The following ADARB2 variants were observed in gnomAD, a reference collection of about 807,000 sequenced individuals.
ADARB2 encodes adenosine deaminase RNA specific B2 (inactive), also known as inactive double-stranded RNA-specific editase B2.
In ADARB2, 25 loss-of-function variants were observed where a neutral mutation model predicts 62.2. The observed-to-expected ratio is 0.40, with a 90% CI of 0.29 to 0.56. The LOEUF is 0.56. Ranked by LOEUF, ADARB2 falls within the 20% of genes least tolerant of loss-of-function variation. The probability of loss-of-function intolerance (pLI) is 0.43; values close to 1 mark genes in which losing one functional copy is unlikely to be tolerated. For missense variants in ADARB2, 1,071 were observed against 1,077.4 expected (o/e 0.99, Z 0.08); for synonymous variants, 572 against 500.8 (o/e 1.14, Z -1.90).
intron 1 of ADARB2, among the ~76,000 whole-genome samples, chr10:1,694,836 G>A (rs1834718714): frequency 6.6e-6 from 1 of 152,142 alleles, no homozygotes; most frequent in African/African-American, 2.4e-5. Context: ...CTGGGAGTGG[G>A]GTCTTCATGA....
intron 7 of ADARB2, 143 bp downstream of exon 7, chr10:1,216,808 G>T: frequency 9.1e-7 from 1 of 1,097,572 alleles, no homozygotes; most frequent in South Asian, 1.5e-5. Context: ...AATGGCTGTG[G>T]AGTTCCACGG....
chr10:1,644,338 C>T (rs1187371915), intron 1 of ADARB2, among the ~76,000 whole-genome samples: 3 of 152,374 alleles, frequency 2.0e-5, no homozygotes, highest in African/African-American at 4.8e-5. Context: ...CCCCTGTCCC[C>T]GGGCGTCTTT....
rs548777040 is a variant in ADARB2 at position 1,423,974 on chromosome 10, A to G, written c.101-44814T>C. Among the ~76,000 whole-genome samples, 3 of 152,260 alleles carry G rather than the reference A, an allele frequency of 2.0e-5. No individual in the cohort carries two copies. The South Asian group carries it at 6.2e-4, about 32-fold the overall frequency. ...CCACTATGTATGCAGTAGGACCACT[A>G]TGTATGCAGTATGACCATTATGTAT... On this transcript the variant is annotated intron_variant, in intron 1 of 9. Coordinates refer to ENST00000381312, the MANE Select transcript of ADARB2 (RefSeq NM_018702.4).
At chr10:1,215,501 T>A (rs1486161661) in intron 7 of ADARB2, among the ~76,000 whole-genome samples, 4 of 152,188 alleles carry the variant, frequency 2.6e-5, no homozygotes, top group African/African-American at 9.7e-5. Flanking sequence ...TTCCTGCACA[T>A]CCTGGGGACC....
chr10:1,263,825 T>C (rs1227604317), intron 4 of ADARB2, among the ~76,000 whole-genome samples: 1 of 152,084 alleles, frequency 6.6e-6, no homozygotes, highest in East Asian at 1.9e-4. Context: ...CTAAACTATT[T>C]AAATGAGCCA....
At chr10:1,668,278 A>T (rs554339537) in intron 1 of ADARB2, among the ~76,000 whole-genome samples, 2 of 152,270 alleles carry the variant, frequency 1.3e-5, no homozygotes, top group Admixed American at 1.3e-4. Flanking sequence ...TTTCTTTTGC[A>T]TGTGTTACAA....
Position 1,736,992 on chromosome 10 carries a change from CG to C in ADARB2, c.100+58del. The stretch of plus-strand genomic sequence containing the variant: ...CAAGCCCGGAGACCCCATGAGAGGC[CG>C]GGGTGGAGAAGCCGGGGGTGAAGGG... On this transcript the variant is annotated intron_variant, in intron 1 of 9. Coordinates refer to ENST00000381312, the MANE Select transcript of ADARB2 (RefSeq NM_018702.4). The C allele has an allele frequency of 3.2e-6, 5 of 1,555,390 alleles. No homozygotes were observed. The South Asian group carries it at 5.6e-5, about 17-fold the overall frequency.
At chr10:1,655,697 G>C (rs1588340711) in intron 1 of ADARB2, among the ~76,000 whole-genome samples, 1 of 152,170 alleles carries the variant, frequency 6.6e-6, no homozygotes, top group South Asian at 2.1e-4. Context: ...AACTGGAAAT[G>C]CCTTTTTATT....
chr10:1,375,829 G>A (rs565644344), intron 2 of ADARB2, among the ~76,000 whole-genome samples: 3,183 of 124,356 alleles, frequency 0.026, 104 homozygotes, highest in African/African-American at 0.09. Flanking sequence ...ACACACACAC[G>A]TGCACACACC....
At chr10:1,422,536 C>A (rs997145633) in intron 1 of ADARB2, among the ~76,000 whole-genome samples, 8 of 152,122 alleles carry the variant, frequency 5.3e-5, no homozygotes, top group African/African-American at 1.9e-4. Flanking sequence ...GGTCTTGGGG[C>A]AGGGAGAGGA....
intron 1 of ADARB2, among the ~76,000 whole-genome samples, chr10:1,463,079 G>A (rs888918693): frequency 6.6e-6 from 1 of 152,196 alleles, no homozygotes; most frequent in Non-Finnish European, 1.5e-5. Flanking sequence ...GCCTAAGTGA[G>A]CGGAGCATAG....
rs748996624 is a variant in ADARB2 at position 1,200,074 on chromosome 10, C to T, written c.1756G>A (p.Val586Met). The stretch of plus-strand genomic sequence containing the variant: ...TGGCCCGTGTGGTGCAGGCTGCCCA[C>T]CACGATGCTCTGCAGGTACACGGGC... The part of the protein sequence containing the change: ...VEPVYLQSIV[V>M]GSLHHTGHLA... The change falls in exon 8 of 10, where the codon GTG becomes ATG. Residue 586 changes from valine (V) to methionine (M), a missense_variant. Physicochemically the swap from Val to Met is conservative, Grantham distance 21 (BLOSUM62 1). Transcript: ENST00000381312. 1 of 1,580,384 alleles carries T rather than the reference C, an allele frequency of 6.3e-7. No homozygotes were observed.
rs1005091952 is a variant in ADARB2 at position 1,357,820 on chromosome 10, G to A, written c.1077+5208C>T. Among the ~76,000 whole-genome samples the A allele has an allele frequency of 3.7e-4, 56 of 152,186 alleles. 1 individual carries two copies. The highest frequency in any genetic ancestry group is 3.1e-3 in the Admixed American group (48 of 15,282). ...GCGTACTCTATTGTTGTAGACACAC[G>A]AGCCCCAGAAAAACTCTGTGCAGAG... On this transcript the variant is annotated intron_variant, in intron 3 of 9. Transcript: ENST00000381312.
chr10:1,202,668 T>C (rs1192931051), intron 7 of ADARB2, among the ~76,000 whole-genome samples: 1 of 152,216 alleles, frequency 6.6e-6, no homozygotes, highest in African/African-American at 2.4e-5. Flanking sequence ...GGCCCAGGGC[T>C]CCGGGTACTG....
At chr10:1,672,650 C>CCCGCGCCTGCCTCCTCCACGCA (rs1834403604) in intron 1 of ADARB2, among the ~76,000 whole-genome samples, 5 of 112,734 alleles carry the variant, frequency 4.4e-5, no homozygotes, top group South Asian at 3.6e-4. Flanking sequence ...CCTTGCAGGC[C>CCCGCGCCTGCCTCCTCCACGCA]CCGCAAGGCT....
At position 1,398,550 on chromosome 10, in the gene ADARB2, T is replaced by C. The variant is rs555371966; in HGVS notation, c.101-19390A>G. Among the ~76,000 whole-genome samples, 12 of 152,356 alleles carry C rather than the reference T, an allele frequency of 7.9e-5. No individual in the cohort carries two copies. The South Asian group carries it at 1.5e-3, about 18-fold the overall frequency. On this transcript the variant is annotated intron_variant, in intron 1 of 9. Transcript: ENST00000381312. This position sits in a 1 kb window ranked among gnomAD's most constrained non-coding sequence, Gnocchi z 4.1. The stretch of plus-strand genomic sequence containing the variant: ...CCAGTTCCAGATAAACCTTCTGTTT[T>C]TCCTAAAACTGTCAGAACCCAGTTC...
chr10:1,287,246 C>T (rs1831422404), intron 3 of ADARB2, among the ~76,000 whole-genome samples: 1 of 152,078 alleles, frequency 6.6e-6, no homozygotes, highest in South Asian at 2.1e-4. Flanking sequence ...CATAGTTAGC[C>T]TTTTAGAGTT....
At chr10:1,270,140 A>AT (rs1395124698) in intron 4 of ADARB2, among the ~76,000 whole-genome samples, 44 of 152,298 alleles carry the variant, frequency 2.9e-4, no homozygotes, top group African/African-American at 1.1e-3. Flanking sequence ...AAGATTGGAG[A>AT]GGACCCTGCT....
chr10:1,507,373 G>A (rs186647310), intron 1 of ADARB2, among the ~76,000 whole-genome samples: 32 of 152,200 alleles, frequency 2.1e-4, no homozygotes, highest in Non-Finnish European at 2.4e-4. Flanking sequence ...CCTTGGCACC[G>A]GACAGGAAGG....
Sources: allele counts gnomAD v4.1 joint callset (sites outside exome capture counted in the v4.1 genomes callset), GRCh38; gene constraint gnomAD v4.1.1; non-coding constraint Gnocchi (gnomAD v3.1); transcripts MANE v1.5; gene names NCBI Gene and HGNC (gene_info 2026-07-23, HGNC 2026-07-21).